Variants in CRYBG3 observed in about 807,000 individuals in gnomAD.
CRYBG3 encodes very large A-kinase anchor protein.
CRYBG3 carries 127 observed loss-of-function variants against 244.2 expected under a neutral mutation model. That is an observed-to-expected ratio of 0.52 (90% CI 0.45 to 0.60). The LOEUF is 0.60. CRYBG3 is among the 20% of genes least tolerant of loss of function. The pLI is 0.00. For synonymous variants in CRYBG3, 1,132 were observed against 1,195.8 expected, an observed-to-expected ratio of 0.95 and a Z score of 1.10; for missense variants, 3,325 against 3,442.5, an observed-to-expected ratio of 0.97 and a Z score of 0.85.
At position 97,875,437 on chromosome 3, in the gene CRYBG3, G is replaced by A; in HGVS notation, c.4243G>A (p.Asp1415Asn). 2 of 1,345,954 alleles carry A rather than the reference G, an allele frequency of 1.5e-6. No homozygotes were observed. Among genetic ancestry groups the A allele is most frequent in the East Asian group, 5.6e-5 (2 of 35,624 alleles). 83.4% of individuals were successfully genotyped at this position (1,345,954 alleles called of 1,614,324 possible). A position where few individuals can be genotyped will look rare whatever the true frequency, so the allele number is the denominator to read the frequency against. Residue 1415 changes from aspartate to asparagine, a missense_variant, in exon 4 of 22, where the codon GAT (aspartate) becomes AAT (asparagine). Around this residue, in one of 4 missense-constraint regions of CRYBG3, gnomAD observed 635 missense variants for 771.7 expected, o/e 0.82. Transcript: ENST00000389622. ...LFSGNGSGLSDSINLQESDTV... is the reference protein window; with the variant it reads ...LFSGNGSGLSNSINLQESDTV... ...TTCTGGAAATGGATCTGGACTGTCT[G>A]ATAGTATAAATTTGCAGGAATCAGA...
intron 1 of CRYBG3, among the ~76,000 whole-genome samples, chr3:97,831,817 T>G (rs1335254687): frequency 6.6e-6 from 1 of 152,144 alleles, no homozygotes; most frequent in African/African-American, 2.4e-5. Context: ...TATTTCTTCC[T>G]GTTTTTCTCT....
chr3:97,893,546 C>A lies in CRYBG3; in HGVS notation c.7574+553C>A, dbSNP rs1268652899. 2.6e-5 allele frequency among the ~76,000 whole-genome samples: 4 copies of A among 152,226 alleles called. No individual in the cohort carries two copies. The East Asian group carries it at 7.7e-4, about 29-fold the overall frequency. On this transcript the variant is annotated intron_variant, in intron 11 of 21. Coordinates refer to ENST00000389622, the MANE Select transcript of CRYBG3 (RefSeq NM_153605.4). ...CAGTCTTAGTCAGCAGTTCCTGGGGCAGAAGCCCCCCAAATCTGTGATGGG... is the reference window on the plus strand; with the variant it reads ...CAGTCTTAGTCAGCAGTTCCTGGGGAAGAAGCCCCCCAAATCTGTGATGGG...
At chr3:97,924,340 G>A (rs1326376146) in intron 17 of CRYBG3, 2 of 411,226 alleles carry the variant, frequency 4.9e-6, no homozygotes, top group East Asian at 1.6e-4. Flanking sequence ...GAAAATATAG[G>A]AATCTACCCT....
chr3:97,908,505 C>T (rs911448027), intron 15 of CRYBG3, among the ~76,000 whole-genome samples: 1 of 152,110 alleles, frequency 6.6e-6, no homozygotes, highest in Non-Finnish European at 1.5e-5. Context: ...TATGTATTGG[C>T]CTTCTTTGTC....
chr3:97,898,820 A>ATCT, intron 12 of CRYBG3, 63 bp from the exon 13 acceptor site: 1 of 1,206,500 alleles, frequency 8.3e-7, no homozygotes. Flanking sequence ...ATTTTGCTAG[A>ATCT]TAATAGCAGT....
At chr3:97,915,425 G>A (rs972185295) in intron 16 of CRYBG3, among the ~76,000 whole-genome samples, 185 bp from the exon 17 acceptor site, 4 of 152,072 alleles carry the variant, frequency 2.6e-5, no homozygotes, top group Non-Finnish European at 5.9e-5. Context: ...AATGCCTGGC[G>A]CATCATAAGC....
chr3:97,855,052 A>G (rs1007479554), intron 2 of CRYBG3, among the ~76,000 whole-genome samples: 21 of 152,118 alleles, frequency 1.4e-4, no homozygotes, highest in African/African-American at 5.1e-4. Flanking sequence ...GAGAGTTTTT[A>G]TCAAGAAGGG....
At chr3:97,883,067 C>T (rs562895078) in intron 7 of CRYBG3, among the ~76,000 whole-genome samples, 27 of 152,162 alleles carry the variant, frequency 1.8e-4, no homozygotes, top group Non-Finnish European at 3.8e-4. Context: ...TGGGAAGAGG[C>T]GTGTCACCTG....
intron 17 of CRYBG3, among the ~76,000 whole-genome samples, chr3:97,916,907 T>C (rs188167375): frequency 2.5e-4 from 38 of 152,226 alleles, no homozygotes; most frequent in Middle Eastern, 3.4e-3. Context: ...TAATGTGATC[T>C]GGCAAGTCTC....
Position 97,864,533 on chromosome 3 carries a change from T to G in CRYBG3, c.533T>G (p.Leu178Arg), listed in dbSNP as rs2039197144. Reference sequence around the variant, plus strand: ...GAGAGAGAGATTTTCAGTGGCTCCCTAAGAACCCAGACACATCCAACAGAA... The same window carrying G: ...GAGAGAGAGATTTTCAGTGGCTCCCGAAGAACCCAGACACATCCAACAGAA... ...KREREIFSGS[L>R]RTQTHPTEEQ... The change falls in exon 3 of 22, where the codon CTA becomes CGA. Residue 178 changes from leucine (L) to arginine (R), a missense_variant. Around this residue, in one of 4 missense-constraint regions of CRYBG3, gnomAD observed 1,526 missense variants for 1,443.2 expected, o/e 1.06. Transcript: ENST00000389622. 9.1e-6 allele frequency: 14 copies of G among 1,535,898 alleles called. No homozygotes were observed. Among genetic ancestry groups the G allele is most frequent in the Non-Finnish European group, 1.1e-5 (13 of 1,146,762 alleles).
intron 17 of CRYBG3, among the ~76,000 whole-genome samples, chr3:97,929,135 G>T (rs1365366752): frequency 6.6e-6 from 1 of 151,980 alleles, no homozygotes; most frequent in Non-Finnish European, 1.5e-5. Flanking sequence ...CTCTTTGCAT[G>T]ATTTAGACTT....
chr3:97,910,089 G>T (rs528030250), intron 15 of CRYBG3, among the ~76,000 whole-genome samples: 1 of 151,718 alleles, frequency 6.6e-6, no homozygotes, highest in African/African-American at 2.4e-5. Context: ...CCCACTTGAG[G>T]AGGCAGTCTG....
Position 97,876,019 on chromosome 3 carries a change from A to G in CRYBG3, c.4825A>G (p.Thr1609Ala), listed in dbSNP as rs1280819775. The change falls in exon 4 of 22, where the codon ACT (threonine) becomes GCT (alanine). Residue 1609 changes from threonine (T) to alanine (A), a missense_variant. Physicochemically the swap from Thr to Ala is moderately conservative, Grantham distance 58 (BLOSUM62 0). This residue lies in a region of CRYBG3 where 635 missense variants were observed against 771.7 expected (regional missense o/e 0.82). Coordinates refer to ENST00000389622, the MANE Select transcript of CRYBG3 (RefSeq NM_153605.4). ...QMDAESCIEK[T>A]EGSAVILGME... is the part of the protein sequence containing the mutation. The stretch of plus-strand genomic sequence containing the variant: ...GGATGCCGAGAGCTGTATTGAAAAA[A>G]CTGAGGGATCAGCTGTCATTTTAGG... The G allele has an allele frequency of 8.1e-7, 1 of 1,231,972 alleles. No homozygotes were observed. The highest frequency in any genetic ancestry group is 1.6e-5 in the African/African-American group (1 of 64,402). 76.3% of individuals were successfully genotyped at this position (1,231,972 alleles called of 1,614,324 possible).
intron 8 of CRYBG3, among the ~76,000 whole-genome samples, chr3:97,887,301 TC>T (rs971095904): frequency 4.6e-5 from 7 of 152,198 alleles, no homozygotes; most frequent in African/African-American, 1.7e-4. Context: ...CTTAGTTCAT[TC>T]CCAGATTGAC....
intron 17 of CRYBG3, among the ~76,000 whole-genome samples, chr3:97,931,872 T>C (rs923784799): frequency 7.2e-5 from 11 of 152,082 alleles, no homozygotes; most frequent in African/African-American, 2.4e-4. Context: ...ACCTCATATA[T>C]TGCACCAGTA....
chr3:97,912,345 A>G (rs2108250954), intron 16 of CRYBG3, 69 bp downstream of exon 16: 1 of 738,048 alleles, frequency 1.4e-6, no homozygotes, highest in East Asian at 3.0e-5. Flanking sequence ...ACAGAGATAT[A>G]TTTTTTGCAT....
intron 2 of CRYBG3, among the ~76,000 whole-genome samples, chr3:97,858,252 A>G (rs930790211): frequency 6.7e-6 from 1 of 148,244 alleles, no homozygotes; most frequent in Admixed American, 6.7e-5. Context: ...ATATGCTGTT[A>G]TTCTAATGGA....
rs576328161 is a variant in CRYBG3 at position 97,829,958 on chromosome 3, CAT to C, written c.149+7604_149+7605del. On this transcript the variant is annotated intron_variant, in intron 1 of 21. Transcript: ENST00000389622. ...CTCATTTAAGCTGTTTCTCCTGGAA[CAT>C]GTGTCTAAGTAATGTTTTTCTGTTC... is the stretch of plus-strand genomic sequence containing the variant. Among the ~76,000 whole-genome samples, 1,102 of 152,200 alleles carry C rather than the reference CAT, an allele frequency of 7.2e-3. 13 individuals are homozygous for C. The highest frequency in any genetic ancestry group is 0.012 in the Non-Finnish European group (794 of 67,992).
chr3:97,910,749 A>T (rs1373638431), intron 15 of CRYBG3, among the ~76,000 whole-genome samples: 1 of 152,174 alleles, frequency 6.6e-6, no homozygotes, highest in Non-Finnish European at 1.5e-5. Flanking sequence ...AGCTGTTCCT[A>T]TTCGGCCATC....
Sources: allele counts gnomAD v4.1 joint callset (sites outside exome capture counted in the v4.1 genomes callset), GRCh38; gene constraint gnomAD v4.1.1; regional missense constraint gnomAD v4.1.1; transcripts MANE v1.5; gene names NCBI Gene and HGNC (gene_info 2026-07-23, HGNC 2026-07-21).